STRN3: variants seen among roughly 807,000 people sequenced by gnomAD.
STRN3 encodes striatin 3.
Under a neutral mutation model 95.6 loss-of-function variants are expected in STRN3, and 29 were observed. That is an observed-to-expected ratio of 0.30 (90% CI 0.23 to 0.41). The LOEUF (loss-of-function observed/expected upper bound fraction) is 0.41. Ranked by LOEUF, STRN3 falls within the 10% of genes least tolerant of loss-of-function variation. STRN3 has a pLI of 1.00. For synonymous variants in STRN3, 331 were observed against 357.6 expected (o/e 0.93, Z 0.84); for missense variants, 890 against 972.1 (o/e 0.92, Z 1.12).
At chr14:30,901,355 C>T (rs1053080668) in intron 16 of STRN3, among the ~76,000 whole-genome samples, 5 of 151,958 alleles carry the variant, frequency 3.3e-5, no homozygotes, top group African/African-American at 1.2e-4. Context: ...CAATGTAGAC[C>T]TGTAAATATT....
In STRN3 at chr14:30,990,400, T is replaced by C. The variant is rs369494756; in HGVS notation, c.283-34158A>G. Among the ~76,000 whole-genome samples, 604 of 151,154 alleles carry C rather than the reference T, an allele frequency of 4.0e-3. 3 individuals carry two copies. Among genetic ancestry groups the C allele is most frequent in the African/African-American group, 0.014 (568 of 40,874 alleles). On this transcript the variant is annotated intron_variant, in intron 1 of 17. Transcript: ENST00000357479. ...AGCCAGGATGGTCTCGATCTCCTGA[T>C]CTCATGATCCGCCCGCCTCAGACTC... is the stretch of plus-strand genomic sequence containing the variant.
chr14:31,020,825 G>A (rs1883470272), intron 1 of STRN3, among the ~76,000 whole-genome samples: 1 of 152,010 alleles, frequency 6.6e-6, no homozygotes. Context: ...AGGATCAGTT[G>A]AGCTCGGGAG....
chr14:30,947,036 A>G, intron 5 of STRN3, 54 bp downstream of exon 5: 3 of 1,338,754 alleles, frequency 2.2e-6, no homozygotes, highest in Non-Finnish European at 3.0e-6. Flanking sequence ...AGAGATTAAC[A>G]ATAACAATAT....
chr14:30,970,723 C>A (rs186380965), intron 1 of STRN3, among the ~76,000 whole-genome samples: 37 of 152,234 alleles, frequency 2.4e-4, no homozygotes, highest in Admixed American at 6.5e-4. Context: ...GCCAAGATAG[C>A]GATGGTAAAA....
At chr14:31,024,558 A>G (rs1367364469) in intron 1 of STRN3, among the ~76,000 whole-genome samples, 3 of 152,224 alleles carry the variant, frequency 2.0e-5, no homozygotes, top group African/African-American at 7.2e-5. Context: ...GACTTCATAC[A>G]GTGTCAAAAT....
intron 2 of STRN3, among the ~76,000 whole-genome samples, 191 bp downstream of exon 2, chr14:30,955,948 A>C (rs1330247830): frequency 6.6e-6 from 1 of 152,220 alleles, no homozygotes; most frequent in African/African-American, 2.4e-5. Flanking sequence ...CTGTAACAAA[A>C]CACATTTCAA....
At chr14:30,949,711 G>A (rs529687654) in intron 4 of STRN3, among the ~76,000 whole-genome samples, 1 of 152,228 alleles carries the variant, frequency 6.6e-6, no homozygotes, top group South Asian at 2.1e-4. Context: ...TTACAGAAAG[G>A]AAAGTGTTAA....
chr14:30,996,797 T>C (rs891381750), intron 1 of STRN3, among the ~76,000 whole-genome samples: 1 of 150,906 alleles, frequency 6.6e-6, no homozygotes, highest in African/African-American at 2.4e-5. Context: ...ACCCAGGAGA[T>C]GGAGAATGCA....
chr14:30,998,173 G>A (rs1387243444), intron 1 of STRN3, among the ~76,000 whole-genome samples: 2 of 152,102 alleles, frequency 1.3e-5, no homozygotes, highest in African/African-American at 4.8e-5. Context: ...TATATCTGGT[G>A]GTTCTGTGGA....
Position 30,936,508 on chromosome 14 carries a change from A to G in STRN3, c.833T>C (p.Met278Thr). 6.2e-7 allele frequency: 1 copy of G among 1,613,068 alleles called. No homozygotes were observed. ...GIPEGKDKHR[M>T]NKHKIGNEGL... Reference sequence around the variant, plus strand: ...TGTAATTCCTACTTTATGTTTATTCATCCGATGTTTGTCTTTTCCTTCTGG... The same window carrying G: ...TGTAATTCCTACTTTATGTTTATTCGTCCGATGTTTGTCTTTTCCTTCTGG... The change falls in exon 6 of 18, where the codon ATG becomes ACG. Residue 278 changes from methionine to threonine, a missense_variant. Met to Thr is a moderately conservative substitution (Grantham distance 81, BLOSUM62 -1). Coordinates refer to ENST00000357479, the MANE Select transcript of STRN3 (RefSeq NM_001083893.2).
intron 1 of STRN3, among the ~76,000 whole-genome samples, chr14:31,013,782 G>C (rs180891769): frequency 4.6e-5 from 7 of 151,114 alleles, no homozygotes; most frequent in Non-Finnish European, 8.8e-5. Flanking sequence ...GTAGAAACGG[G>C]GGGGGTCTCA....
chr14:30,960,767 G>T (rs978478496), intron 1 of STRN3, among the ~76,000 whole-genome samples: 10 of 150,664 alleles, frequency 6.6e-5, no homozygotes, highest in African/African-American at 2.2e-4. Flanking sequence ...TACTCAGGAG[G>T]CTGAGTCAGG....
chr14:30,972,346 C>A (rs765299007), intron 1 of STRN3, among the ~76,000 whole-genome samples: 1 of 152,128 alleles, frequency 6.6e-6, no homozygotes, highest in Non-Finnish European at 1.5e-5. Context: ...TTAGCCTGTG[C>A]GTCTAACCCT....
In STRN3 at chr14:30,947,224, A is replaced by G. The variant is rs372631465; in HGVS notation, c.582T>C (p.Asp194=). The change falls in exon 5 of 18, where the codon GAT becomes GAC. Residue 194 remains aspartate, a synonymous_variant. Transcript: ENST00000357479. ...ATGACCTTACCCGCTGAGACCGTAC[A>G]TCTAATATTGTATCTGTATAACCTA... The part of the protein sequence containing the change: ...QEVGYTDTIL[D]VRSQRVRSLL... The G allele has an allele frequency of 6.8e-6, 11 of 1,609,548 alleles. No individual in the cohort carries two copies. The highest frequency in any genetic ancestry group is 1.7e-5 in the Admixed American group (1 of 59,052).
At chr14:31,007,833 A>C (rs1293035849) in intron 1 of STRN3, among the ~76,000 whole-genome samples, 9 of 152,154 alleles carry the variant, frequency 5.9e-5, no homozygotes, top group African/African-American at 2.2e-4. Flanking sequence ...TCAAAGTTAC[A>C]GTAAGCTATG....
chr14:30,946,475 C>CA (rs1879364920), intron 5 of STRN3, among the ~76,000 whole-genome samples: 1 of 152,098 alleles, frequency 6.6e-6, no homozygotes, highest in Non-Finnish European at 1.5e-5. Context: ...GCATGGAAGT[C>CA]AGAGGCTGCC....
intron 1 of STRN3, among the ~76,000 whole-genome samples, chr14:30,958,604 T>C (rs1448288292): frequency 6.6e-6 from 1 of 152,210 alleles, no homozygotes; most frequent in Non-Finnish European, 1.5e-5. Context: ...AGAACCATTA[T>C]GTATCTCTCA....
rs1896109277 is a variant in STRN3 at position 30,895,195 on chromosome 14, T to C, written c.*216A>G. 3.7e-6 allele frequency: 2 copies of C among 540,646 alleles called. No individual in the cohort carries two copies. The highest frequency in any genetic ancestry group is 3.2e-6 in the Non-Finnish European group (1 of 315,624). 33.5% of individuals were successfully genotyped at this position (540,646 alleles called of 1,614,324 possible). On this transcript the variant is annotated 3_prime_UTR_variant, in exon 18 of 18. Transcript: ENST00000357479. Reference sequence around the variant, plus strand: ...CACATCCAGTACAGGCCACAAATACTGGAGTCCTTTTTTCTTTGTCCCACA... The same window carrying C: ...CACATCCAGTACAGGCCACAAATACCGGAGTCCTTTTTTCTTTGTCCCACA...
Position 30,950,781 on chromosome 14 carries a change from ATT to A in STRN3, c.542+80_542+81del, listed in dbSNP as rs1879599635. 3 of 1,305,264 alleles carry A rather than the reference ATT, an allele frequency of 2.3e-6. 1 individual carries two copies. The Admixed American group carries it at 5.9e-5, about 26-fold the overall frequency. The allele number at this position is 1,305,264 out of a possible 1,614,324, so 80.9% of individuals were successfully genotyped here. A position where few individuals can be genotyped will look rare whatever the true frequency, so the allele number is the denominator to read the frequency against. On this transcript the variant is annotated intron_variant, in intron 4 of 17. Transcript: ENST00000357479. ...AAAACATACACATTGTCCCAATATG[ATT>A]TTTTACTTGTAAAGTGATTCAGTAT...
Sources: gnomAD v4.1 joint callset for allele counts (sites outside exome capture counted in the v4.1 genomes callset) on GRCh38, gnomAD v4.1.1 for gene constraint, MANE v1.5 for transcripts, NCBI Gene and HGNC (gene_info 2026-07-23, HGNC 2026-07-21) for gene names.